The following RIGI variants were observed in gnomAD, a reference collection of about 807,000 sequenced individuals.
The protein encoded by RIGI is antiviral innate immune response receptor RIG-I.
At chr9:32,466,186 G>A in the RIGI span, 480,542 of 1,188,358 alleles carry the variant, frequency 0.4, 100,207 homozygotes, top group South Asian at 0.46. Context: ...ACTTTTTGTT[G>A]TAATATAACA....
At chr9:32,457,031 G>T in the RIGI span, 1 of 975,620 alleles carries the variant, frequency 1.0e-6, no homozygotes, top group Non-Finnish European at 1.6e-6. Flanking sequence ...TTTCACAGGG[G>T]TACAAGCGAT....
chr9:32,455,327 T>G, the RIGI span, among the ~76,000 whole-genome samples: 3 of 152,216 alleles, frequency 2.0e-5, no homozygotes, highest in Non-Finnish European at 4.4e-5. Context: ...AGAGGCTTAA[T>G]AGATTCACAG....
chr9:32,479,508 G>C, the RIGI span, among the ~76,000 whole-genome samples: 2 of 152,206 alleles, frequency 1.3e-5, no homozygotes, highest in East Asian at 3.9e-4. Context: ...TGCAGGCAGT[G>C]AGATTATGTG....
the RIGI span, chr9:32,500,863 C>A: frequency 3.1e-6 from 5 of 1,614,066 alleles, no homozygotes; most frequent in Non-Finnish European, 4.2e-6. Context: ...GGAGCTCCAA[C>A]AGGAACTTGA....
the RIGI span, among the ~76,000 whole-genome samples, chr9:32,479,298 T>C: frequency 3.3e-5 from 5 of 152,318 alleles, no homozygotes; most frequent in Non-Finnish European, 5.9e-5. Flanking sequence ...CTTATGTACA[T>C]ATATATGCAT....
At chr9:32,488,322 G>A in the RIGI span, 1,304 of 1,108,180 alleles carry the variant, frequency 1.2e-3, 9 homozygotes, top group African/African-American at 0.018. Flanking sequence ...AAGAAGAATA[G>A]CTGTAGGCAA....
At chr9:32,504,968 C>T in the RIGI span, among the ~76,000 whole-genome samples, 1 of 131,712 alleles carries the variant, frequency 7.6e-6, no homozygotes. Context: ...TATATTTATT[C>T]TATATTATAT....
the RIGI span, chr9:32,459,399 C>T: frequency 6.2e-7 from 1 of 1,613,652 alleles, no homozygotes. Flanking sequence ...AGCTGTGTAA[C>T]ATGCCAAGGC....
At chr9:32,512,240 C>G in the RIGI span, among the ~76,000 whole-genome samples, 1 of 152,184 alleles carries the variant, frequency 6.6e-6, no homozygotes, top group Non-Finnish European at 1.5e-5. Context: ...CACCCTGATA[C>G]CAAAACCTGG....
the RIGI span, among the ~76,000 whole-genome samples, chr9:32,499,312 A>ATTTTTTTTT: frequency 6.2e-5 from 2 of 32,322 alleles, no homozygotes; most frequent in Non-Finnish European, 1.1e-4. Flanking sequence ...AGAGTTTGTG[A>ATTTTTTTTT]TTTGTTTTTT....
the RIGI span, among the ~76,000 whole-genome samples, chr9:32,525,385 G>T: frequency 6.6e-6 from 1 of 152,144 alleles, no homozygotes; most frequent in Non-Finnish European, 1.5e-5. Flanking sequence ...CGGCCTCATC[G>T]ATATCTTTTA....
chr9:32,493,177 A>G, the RIGI span, among the ~76,000 whole-genome samples: 3 of 152,214 alleles, frequency 2.0e-5, no homozygotes, highest in Non-Finnish European at 2.9e-5. Flanking sequence ...GAGTCTAAAC[A>G]CTTAACTGCT....
the RIGI span, among the ~76,000 whole-genome samples, chr9:32,467,319 T>A: frequency 6.6e-6 from 1 of 152,168 alleles, no homozygotes; most frequent in Non-Finnish European, 1.5e-5. Context: ...TCAGGAAAAG[T>A]AATATGATAG....
chr9:32,513,967 T>A, the RIGI span, among the ~76,000 whole-genome samples: 6 of 152,036 alleles, frequency 3.9e-5, no homozygotes, highest in African/African-American at 1.4e-4. Flanking sequence ...AACAAACATA[T>A]GAAAAAATGC....
the RIGI span, among the ~76,000 whole-genome samples, chr9:32,503,695 G>T: frequency 4.6e-5 from 7 of 152,068 alleles, no homozygotes; most frequent in African/African-American, 1.7e-4. Context: ...TCAGAATACT[G>T]CCCACCTGGT....
At chr9:32,469,957 CAA>C in the RIGI span, among the ~76,000 whole-genome samples, 1 of 152,128 alleles carries the variant, frequency 6.6e-6, no homozygotes, top group African/African-American at 2.4e-5. Context: ...GCAGTGGACT[CAA>C]GAGTTTGTGG....
the RIGI span, among the ~76,000 whole-genome samples, chr9:32,522,025 T>C: frequency 6.6e-6 from 1 of 152,152 alleles, no homozygotes; most frequent in Non-Finnish European, 1.5e-5. Context: ...TCTGATAACT[T>C]TGGAGACTGT....
At chr9:32,459,562 T>C in the RIGI span, 5 of 1,571,794 alleles carry the variant, frequency 3.2e-6, no homozygotes, top group Admixed American at 1.9e-5. Context: ...ACAACATATA[T>C]AGCAAGAAAC....
chr9:32,495,503 G>C, the RIGI span, among the ~76,000 whole-genome samples: 1 of 149,012 alleles, frequency 6.7e-6, no homozygotes, highest in African/African-American at 2.5e-5. Flanking sequence ...GCCCAGCTTT[G>C]TTTTTGTTTT....
Sources: gnomAD v4.1 joint callset for allele counts (sites outside exome capture counted in the v4.1 genomes callset) on GRCh38, gnomAD v4.1.1 for gene constraint, MANE v1.5 for transcripts, NCBI Gene and HGNC (gene_info 2026-07-23, HGNC 2026-07-21) for gene names.